The following KCNQ5 variants were observed in gnomAD, a reference collection of about 807,000 sequenced individuals.
KCNQ5 encodes the protein potassium voltage-gated channel subfamily KQT member 5.
KCNQ5 carries 30 observed loss-of-function variants against 98.2 expected under a neutral mutation model. The ratio of observed to expected loss-of-function variants is 0.31; its 90% CI spans 0.23 to 0.41. KCNQ5 has a LOEUF of 0.41. Among genes scored for constraint, KCNQ5 ranks in the 10% least tolerant of loss-of-function variants. The pLI is 1.00. For missense variants in KCNQ5, 835 were observed against 1,182.5 expected, an observed-to-expected ratio of 0.71 and a Z score of 4.31; for synonymous variants, 458 against 449.4, an observed-to-expected ratio of 1.02 and a Z score of -0.24.
chr6:72,822,796 G>C (rs768704252), intron 1 of KCNQ5, among the ~76,000 whole-genome samples: 28 of 152,238 alleles, frequency 1.8e-4, no homozygotes, highest in Non-Finnish European at 4.0e-4. Flanking sequence ...ATCCAAAATA[G>C]GTCATAGGGA....
intron 1 of KCNQ5, among the ~76,000 whole-genome samples, chr6:72,796,471 G>A (rs1774342274): frequency 6.6e-6 from 1 of 151,862 alleles, no homozygotes; most frequent in African/African-American, 2.4e-5. Context: ...AGCTGATAAT[G>A]AGGCCAAGGC....
intron 1 of KCNQ5, among the ~76,000 whole-genome samples, chr6:72,794,131 T>C (rs1582302888): frequency 6.6e-6 from 1 of 152,360 alleles, no homozygotes; most frequent in East Asian, 1.9e-4. Flanking sequence ...CACATGCATA[T>C]GAATGTCAGT....
chr6:73,183,209 CTG>C (rs1778460562), intron 11 of KCNQ5, among the ~76,000 whole-genome samples: 1 of 152,224 alleles, frequency 6.6e-6, no homozygotes, highest in Non-Finnish European at 1.5e-5. Context: ...GGGATTCACT[CTG>C]TGTTGCAGCA....
intron 1 of KCNQ5, among the ~76,000 whole-genome samples, chr6:72,639,722 G>A (rs1286279031): frequency 6.6e-6 from 1 of 152,172 alleles, no homozygotes; most frequent in Non-Finnish European, 1.5e-5. Context: ...GCTTGCAGGG[G>A]AGAAGGGAGA....
At chr6:72,817,257 A>G (rs984925723) in intron 1 of KCNQ5, among the ~76,000 whole-genome samples, 3 of 152,230 alleles carry the variant, frequency 2.0e-5, no homozygotes, top group African/African-American at 7.2e-5. Flanking sequence ...GCTACTATAT[A>G]TTGAATTAAA....
At chr6:73,155,908 T>C (rs1777343702) in intron 10 of KCNQ5, among the ~76,000 whole-genome samples, 1 of 152,220 alleles carries the variant, frequency 6.6e-6, no homozygotes. Flanking sequence ...TCTGGGTTCC[T>C]TATTCATGCC....
intron 3 of KCNQ5, among the ~76,000 whole-genome samples, chr6:73,060,851 G>T (rs1772746053): frequency 6.6e-6 from 1 of 152,152 alleles, no homozygotes; most frequent in Non-Finnish European, 1.5e-5. Context: ...AAAATCTGCA[G>T]TTTGACCACA....
intron 1 of KCNQ5, among the ~76,000 whole-genome samples, chr6:72,759,887 C>T (rs1054483862): frequency 1.8e-4 from 28 of 152,044 alleles, no homozygotes; most frequent in African/African-American, 6.5e-4. Context: ...CACACACACG[C>T]TCTGGCCTAT....
chr6:72,971,982 T>G (rs1334750224), intron 1 of KCNQ5, among the ~76,000 whole-genome samples: 1 of 152,136 alleles, frequency 6.6e-6, no homozygotes, highest in Admixed American at 6.5e-5. Context: ...GAACTTAAAG[T>G]ATAATTTTAA....
At chr6:72,725,231 G>A (rs73537796) in intron 1 of KCNQ5, among the ~76,000 whole-genome samples, 3,301 of 151,726 alleles carry the variant, frequency 0.022, 57 homozygotes, top group African/African-American at 0.042. Flanking sequence ...AATTACATTG[G>A]GTTATATTAA....
intron 13 of KCNQ5, among the ~76,000 whole-genome samples, chr6:73,194,075 A>G (rs550715894): frequency 6.6e-6 from 1 of 152,224 alleles, no homozygotes; most frequent in African/African-American, 2.4e-5. Flanking sequence ...CCTGGGCTCA[A>G]TTCTCCTGCC....
intron 1 of KCNQ5, among the ~76,000 whole-genome samples, chr6:72,634,339 G>A (rs79584189): frequency 1.0e-3 from 155 of 152,022 alleles, no homozygotes; most frequent in African/African-American, 3.6e-3. Flanking sequence ...TTTTTCTGAC[G>A]TGCTAGCTTA....
intron 7 of KCNQ5, among the ~76,000 whole-genome samples, chr6:73,112,185 T>A (rs1012152662): frequency 1.3e-5 from 2 of 152,120 alleles, no homozygotes; most frequent in African/African-American, 2.4e-5. Context: ...AATTCTACAA[T>A]CTAAAGTTTC....
intron 10 of KCNQ5, chr6:73,134,133 C>T: frequency 2.7e-6 from 1 of 366,656 alleles, no homozygotes; most frequent in Non-Finnish European, 5.4e-6. Flanking sequence ...CACTGCTTAT[C>T]TTCCTTAGAG....
chr6:72,785,662 A>T (rs562123492), intron 1 of KCNQ5, among the ~76,000 whole-genome samples: 3 of 145,920 alleles, frequency 2.1e-5, no homozygotes, highest in Non-Finnish European at 4.5e-5. Context: ...AAAAAAAAAA[A>T]CAAAAACAAA....
intron 5 of KCNQ5, among the ~76,000 whole-genome samples, chr6:73,084,099 G>T (rs1269041137): frequency 6.6e-6 from 1 of 152,108 alleles, no homozygotes; most frequent in African/African-American, 2.4e-5. Context: ...TGGTTCACCC[G>T]AGATGAACAG....
chr6:72,885,148 A>C (rs192959397), intron 1 of KCNQ5, among the ~76,000 whole-genome samples: 15 of 152,328 alleles, frequency 9.8e-5, no homozygotes, highest in Admixed American at 8.5e-4. Flanking sequence ...ATTCAACAAA[A>C]ATTAGCTTGT....
At chr6:72,693,065 T>C (rs1768293318) in intron 1 of KCNQ5, among the ~76,000 whole-genome samples, 1 of 152,118 alleles carries the variant, frequency 6.6e-6, no homozygotes, top group Admixed American at 6.6e-5. Flanking sequence ...TGGGCTTAAG[T>C]TTTCAGGAAA....
intron 1 of KCNQ5, among the ~76,000 whole-genome samples, chr6:72,882,984 TA>T (rs1276529501): frequency 6.6e-6 from 1 of 152,228 alleles, no homozygotes; most frequent in Non-Finnish European, 1.5e-5. Context: ...TAGATAATTT[TA>T]ATGTGACTAA....
Sources: gnomAD v4.1 joint callset for allele counts (sites outside exome capture counted in the v4.1 genomes callset) on GRCh38, gnomAD v4.1.1 for gene constraint, MANE v1.5 for transcripts, NCBI Gene and HGNC (gene_info 2026-07-23, HGNC 2026-07-21) for gene names.